The following CCDC180 variants were observed in gnomAD, a reference collection of about 807,000 sequenced individuals.
The protein encoded by CCDC180 is coiled-coil domain containing 180.
In CCDC180, 154 loss-of-function variants were observed where a neutral mutation model predicts 209.2. That is an observed-to-expected ratio of 0.74 (90% CI 0.65 to 0.84). CCDC180 has a LOEUF of 0.84. Among genes scored for constraint, CCDC180 ranks in the 40% least tolerant of loss-of-function variants. The pLI, the probability that CCDC180 is intolerant of heterozygous loss-of-function variation, is 0.00. For synonymous variants in CCDC180, 778 were observed against 749.1 expected (o/e 1.04, Z -0.63); for missense variants, 1,874 against 1,997.3 (o/e 0.94, Z 1.18).
chr9:97,313,160 C>G, intron 4 of CCDC180, 76 bp from the exon 5 acceptor site: 1 of 909,764 alleles, frequency 1.1e-6, no homozygotes, highest in Non-Finnish European at 1.8e-6. Context: ...CCTCAGTGTG[C>G]AGGGGCTGTC....
intron 19 of CCDC180, among the ~76,000 whole-genome samples, chr9:97,344,946 T>C (rs1017001486): frequency 1.3e-5 from 2 of 152,248 alleles, no homozygotes; most frequent in Admixed American, 6.5e-5. Context: ...TTATTTTGCT[T>C]ATTTTTTCAC....
chr9:97,325,898 G>A (rs1044206218), intron 14 of CCDC180, among the ~76,000 whole-genome samples: 1 of 152,212 alleles, frequency 6.6e-6, no homozygotes, highest in Non-Finnish European at 1.5e-5. Context: ...AAGTCCAGTA[G>A]TTAAGGTTAA....
intron 22 of CCDC180, among the ~76,000 whole-genome samples, chr9:97,350,938 C>A (rs1418755524): frequency 6.6e-6 from 1 of 152,214 alleles, no homozygotes; most frequent in Non-Finnish European, 1.5e-5. Context: ...TTTCATTTAG[C>A]ATAATATCTT....
In CCDC180 at chr9:97,343,454, A is replaced by G. The variant is rs577984845; in HGVS notation, c.2389A>G (p.Arg797Gly). 9.9e-6 allele frequency: 16 copies of G among 1,614,108 alleles called. No homozygotes were observed. The East Asian group carries it at 3.6e-4, about 36-fold the overall frequency. ...TGTACCCCTGGAAGAAGAGCATTGT[A>G]GGAAGTCCCATTCCACCTTCTCAGC... The part of the protein sequence containing the change: ...VFVPLEEEHC[R>G]KSHSTFSAMF... Residue 797 changes from arginine (R) to glycine (G), a missense_variant, in exon 19 of 37, where the codon AGG (arginine) becomes GGG (glycine). Physicochemically the swap from Arg to Gly is moderately radical, Grantham distance 125. Transcript: ENST00000529487.
At chr9:97,371,428 T>G in intron 33 of CCDC180, 167 bp from the exon 34 acceptor site, 1 of 477,802 alleles carries the variant, frequency 2.1e-6, no homozygotes, top group South Asian at 4.5e-5. Flanking sequence ...AGATCACATC[T>G]TGGGAGAGGC....
chr9:97,321,588 T>C (rs1019956045), intron 11 of CCDC180, among the ~76,000 whole-genome samples: 5 of 152,156 alleles, frequency 3.3e-5, no homozygotes, highest in African/African-American at 1.2e-4. Context: ...CCCTAAATAA[T>C]AGCAATGGCT....
chr9:97,345,051 G>A (rs531948274), intron 19 of CCDC180, among the ~76,000 whole-genome samples: 6 of 151,906 alleles, frequency 3.9e-5, no homozygotes, highest in African/African-American at 1.2e-4. Flanking sequence ...TTTTATTTCT[G>A]TATAGTATCC....
chr9:97,328,122 C>T lies in CCDC180; in HGVS notation c.1764C>T (p.Phe588=), dbSNP rs762257557. The T allele has an allele frequency of 6.2e-7, 1 of 1,613,990 alleles. No individual in the cohort carries two copies. ...ACAGCTCTGCCCTCAGCCAATACTT[C>T]TTTGTGCGTGAAATCTTTGAACAGG... The part of the protein sequence containing the change: ...NSYSSALSQY[F]FVREIFEQNL... Residue 588 remains phenylalanine (F), a synonymous_variant, in exon 16 of 37, where the codon TTC becomes TTT. Transcript: ENST00000529487.
chr9:97,354,462 T>C, intron 22 of CCDC180, 107 bp from the exon 23 acceptor site: 1 of 1,132,682 alleles, frequency 8.8e-7, no homozygotes, highest in Non-Finnish European at 1.3e-6. Context: ...CATCTTGAAC[T>C]CTAACCGGAA....
chr9:97,367,063 C>A (rs952324420), intron 31 of CCDC180, among the ~76,000 whole-genome samples: 8 of 152,180 alleles, frequency 5.3e-5, no homozygotes. Flanking sequence ...GCAATCACCG[C>A]TACCGTCAAT....
intron 8 of CCDC180, among the ~76,000 whole-genome samples, chr9:97,316,044 A>T (rs1833161516): frequency 6.6e-6 from 1 of 152,166 alleles, no homozygotes; most frequent in Non-Finnish European, 1.5e-5. Flanking sequence ...TGTTGGGAGG[A>T]TAATAAAAGA....
intron 18 of CCDC180, among the ~76,000 whole-genome samples, chr9:97,341,086 G>A (rs899131442): frequency 3.9e-5 from 6 of 152,082 alleles, no homozygotes; most frequent in African/African-American, 9.7e-5. Flanking sequence ...TCTCTGCCTC[G>A]GCTGCCAGGC....
intron 36 of CCDC180, 35 bp from the exon 37 acceptor site, chr9:97,376,728 C>T: frequency 1.3e-5 from 21 of 1,603,370 alleles, no homozygotes; most frequent in Non-Finnish European, 1.7e-5. Flanking sequence ...AGATGTCTCT[C>T]CTCATGTGGA....
intron 29 of CCDC180, chr9:97,364,410 A>AT (rs1826860992): frequency 5.5e-6 from 2 of 366,940 alleles, no homozygotes; most frequent in Non-Finnish European, 9.8e-6. Context: ...TTTTTTTGTA[A>AT]TTTTTTTCAG....
At chr9:97,328,228 C>A in intron 16 of CCDC180, 82 bp downstream of exon 16, 1 of 1,476,032 alleles carries the variant, frequency 6.8e-7, no homozygotes, top group Non-Finnish European at 9.2e-7. Context: ...TCTGCCTAGA[C>A]TTTGAAAGCC....
intron 13 of CCDC180, 104 bp from the exon 14 acceptor site, chr9:97,324,915 A>G: frequency 9.3e-7 from 1 of 1,069,846 alleles, no homozygotes; most frequent in South Asian, 1.6e-5. Context: ...GTGTCTGGGC[A>G]ATACTGTTCA....
chr9:97,322,754 C>T (rs1398628487), intron 11 of CCDC180, 79 bp from the exon 12 acceptor site: 2 of 1,250,740 alleles, frequency 1.6e-6, no homozygotes, highest in Non-Finnish European at 2.3e-6. Flanking sequence ...AGGCATTTTG[C>T]TCCTTTGCAA....
Position 97,309,625 on chromosome 9 carries a change from C to T in CCDC180, c.260+21C>T, listed in dbSNP as rs764469370. The T allele has an allele frequency of 9.9e-6, 15 of 1,520,126 alleles. No individual in the cohort carries two copies. The Admixed American group carries it at 3.6e-4, about 36-fold the overall frequency. The allele number at this position is 1,520,126 out of a possible 1,614,324, so 94.2% of individuals were successfully genotyped here. A position where few individuals can be genotyped will look rare whatever the true frequency, so the allele number is the denominator to read the frequency against. Reference sequence around the variant, plus strand: ...CACAGGTAGGTCCTGTTGTCCATGCCTCACCCCCATGCACTAGGGTACCTG... The same window carrying T: ...CACAGGTAGGTCCTGTTGTCCATGCTTCACCCCCATGCACTAGGGTACCTG... On this transcript the variant is annotated intron_variant, in intron 3 of 36. Transcript: ENST00000529487.
At chr9:97,357,957 C>T (rs763176635) in intron 25 of CCDC180, 10 of 421,394 alleles carry the variant, frequency 2.4e-5, no homozygotes, top group African/African-American at 6.1e-5. Flanking sequence ...CATGGAGCAG[C>T]GTCTAGTGTT....
Sources: allele counts gnomAD v4.1 joint callset (sites outside exome capture counted in the v4.1 genomes callset), GRCh38; gene constraint gnomAD v4.1.1; transcripts MANE v1.5; gene names NCBI Gene and HGNC (gene_info 2026-07-23, HGNC 2026-07-21).